The following BTBD9 variants were observed in gnomAD, a reference collection of about 807,000 sequenced individuals.
BTBD9 encodes the protein BTB/POZ domain-containing protein 9.
BTBD9 carries 49 observed loss-of-function variants against 64.3 expected under a neutral mutation model. The observed-to-expected ratio is 0.76, with a 90% CI of 0.61 to 0.97. The LOEUF is 0.97. Among genes scored for constraint, BTBD9 ranks in the 50% least tolerant of loss-of-function variants. BTBD9 has a pLI of 0.00. For missense variants in BTBD9, 598 were observed against 762.1 expected, an observed-to-expected ratio of 0.78 and a Z score of 2.53; for synonymous variants, 260 against 274.7, an observed-to-expected ratio of 0.95 and a Z score of 0.53.
chr6:38,440,834 T>C (rs1478596360), intron 6 of BTBD9, among the ~76,000 whole-genome samples: 1 of 152,212 alleles, frequency 6.6e-6, no homozygotes. Context: ...TAATGAGCTA[T>C]AGTAGATATA....
At chr6:38,468,936 G>GA (rs1770514314) in intron 6 of BTBD9, among the ~76,000 whole-genome samples, 1 of 152,108 alleles carries the variant, frequency 6.6e-6, no homozygotes, top group Non-Finnish European at 1.5e-5. Context: ...ACTATGTAGG[G>GA]AAAATCCCCA....
chr6:38,217,304 G>T (rs1763039768), intron 9 of BTBD9, among the ~76,000 whole-genome samples: 1 of 110,662 alleles, frequency 9.0e-6, no homozygotes, highest in African/African-American at 3.6e-5. Flanking sequence ...GGGTGACAGA[G>T]CAAGACTCCA....
chr6:38,591,431 A>G (rs755310828), intron 4 of BTBD9, among the ~76,000 whole-genome samples: 2 of 152,240 alleles, frequency 1.3e-5, no homozygotes, highest in African/African-American at 2.4e-5. Flanking sequence ...CTGAAGTTCT[A>G]TAACATGTAC....
intron 6 of BTBD9, among the ~76,000 whole-genome samples, chr6:38,417,633 G>A (rs1241183950): frequency 6.6e-6 from 1 of 152,044 alleles, no homozygotes; most frequent in African/African-American, 2.4e-5. Flanking sequence ...AATAAGCTGG[G>A]CATGGTGGCA....
At chr6:38,590,587 G>C (rs745392236) in intron 4 of BTBD9, among the ~76,000 whole-genome samples, 6 of 152,174 alleles carry the variant, frequency 3.9e-5, no homozygotes, top group Non-Finnish European at 8.8e-5. Flanking sequence ...AGATAACTCA[G>C]GGAAATGACT....
At chr6:38,494,954 C>T (rs796739733) in intron 6 of BTBD9, among the ~76,000 whole-genome samples, 22 of 152,342 alleles carry the variant, frequency 1.4e-4, no homozygotes, top group African/African-American at 3.8e-4. Context: ...GGCATACAAG[C>T]ATTGCCCCGG....
At chr6:38,365,387 GA>G (rs1378009652) in intron 6 of BTBD9, among the ~76,000 whole-genome samples, 1 of 151,982 alleles carries the variant, frequency 6.6e-6, no homozygotes, top group Non-Finnish European at 1.5e-5. Context: ...ATAACCGGAG[GA>G]AAAAAATCTG....
chr6:38,402,033 T>C (rs982343735), intron 6 of BTBD9, among the ~76,000 whole-genome samples: 3 of 152,014 alleles, frequency 2.0e-5, no homozygotes, highest in Non-Finnish European at 2.9e-5. Context: ...ACAAAATCAA[T>C]TGTATTTCTA....
intron 6 of BTBD9, among the ~76,000 whole-genome samples, chr6:38,511,241 G>C (rs966451332): frequency 1.3e-5 from 2 of 151,570 alleles, no homozygotes; most frequent in Non-Finnish European, 2.9e-5. Flanking sequence ...TATCCTTCAA[G>C]ACCTAGATAA....
intron 6 of BTBD9, among the ~76,000 whole-genome samples, chr6:38,475,788 T>A (rs1770851879): frequency 6.6e-6 from 1 of 152,170 alleles, no homozygotes. Context: ...AACCACGGAC[T>A]GATAGGGCAG....
intron 7 of BTBD9, among the ~76,000 whole-genome samples, chr6:38,297,698 T>C (rs1435883962): frequency 6.6e-6 from 1 of 152,216 alleles, no homozygotes; most frequent in African/African-American, 2.4e-5. Context: ...TGTCCTTAAC[T>C]GGCAGTGCGT....
chr6:38,320,012 T>A (rs1483562504), intron 7 of BTBD9, among the ~76,000 whole-genome samples: 3 of 152,138 alleles, frequency 2.0e-5, no homozygotes, highest in East Asian at 3.9e-4. Context: ...CTTGTCTAAG[T>A]GCTCCCTCCA....
intron 6 of BTBD9, among the ~76,000 whole-genome samples, chr6:38,464,320 T>C (rs1770241335): frequency 6.6e-6 from 1 of 152,156 alleles, no homozygotes; most frequent in African/African-American, 2.4e-5. Context: ...AAACTAATAG[T>C]TTTGTTAATT....
intron 6 of BTBD9, among the ~76,000 whole-genome samples, chr6:38,423,694 T>C (rs867979577): frequency 4.6e-5 from 7 of 152,312 alleles, no homozygotes; most frequent in South Asian, 2.1e-4. Flanking sequence ...TTTTGGGAAT[T>C]AGACCCAAAA....
chr6:38,320,557 T>C (rs183636376), intron 7 of BTBD9, among the ~76,000 whole-genome samples: 68 of 152,248 alleles, frequency 4.5e-4, no homozygotes, highest in African/African-American at 1.5e-3. Flanking sequence ...AAAGCAGGCA[T>C]TCAGAGAACT....
intron 6 of BTBD9, among the ~76,000 whole-genome samples, chr6:38,462,404 T>C (rs1196887215): frequency 6.6e-6 from 1 of 152,230 alleles, no homozygotes; most frequent in Non-Finnish European, 1.5e-5. Flanking sequence ...TTGAAAAAAC[T>C]TTCTTTTTTC....
At chr6:38,426,516 G>C (rs1768156766) in intron 6 of BTBD9, among the ~76,000 whole-genome samples, 1 of 151,850 alleles carries the variant, frequency 6.6e-6, no homozygotes, top group South Asian at 2.1e-4. Flanking sequence ...CTGAGCTTTT[G>C]CTCGCCATCC....
chr6:38,447,859 A>G (rs1769347266), intron 6 of BTBD9, among the ~76,000 whole-genome samples: 1 of 152,260 alleles, frequency 6.6e-6, no homozygotes, highest in Non-Finnish European at 1.5e-5. Context: ...AAGTTAAAGA[A>G]GCTGGTGGGA....
intron 7 of BTBD9, among the ~76,000 whole-genome samples, chr6:38,340,648 T>A (rs935952301): frequency 6.6e-6 from 1 of 152,186 alleles, no homozygotes; most frequent in Non-Finnish European, 1.5e-5. Context: ...GAATGTAACA[T>A]TTATCCTTCT....
Sources: allele counts gnomAD v4.1 joint callset (sites outside exome capture counted in the v4.1 genomes callset), GRCh38; gene constraint gnomAD v4.1.1; transcripts MANE v1.5; gene names NCBI Gene and HGNC (gene_info 2026-07-23, HGNC 2026-07-21).